GRIN2A: variants seen among roughly 807,000 people sequenced by gnomAD.
GRIN2A encodes glutamate receptor ionotropic, NMDA 2A.
Under a neutral mutation model 113.4 loss-of-function variants are expected in GRIN2A, and 22 were observed. The ratio of observed to expected loss-of-function variants is 0.19; its 90% CI spans 0.14 to 0.28. The LOEUF (loss-of-function observed/expected upper bound fraction) is 0.28, where lower values mean the gene tolerates loss of function less well. Among genes scored for constraint, GRIN2A ranks in the 10% least tolerant of loss-of-function variants. The probability of loss-of-function intolerance (pLI) is 1.00; values close to 1 mark genes in which losing one functional copy is unlikely to be tolerated. For missense variants in GRIN2A, 1,502 were observed against 1,887.0 expected (o/e 0.80, Z 3.78); for synonymous variants, 827 against 738.4 (o/e 1.12, Z -1.94).
chr16:9,855,161 G>T (rs1296346833), intron 4 of GRIN2A, among the ~76,000 whole-genome samples: 1 of 152,084 alleles, frequency 6.6e-6, no homozygotes, highest in East Asian at 1.9e-4. Context: ...TAATAGCACA[G>T]GCTTAGAGAT....
At chr16:9,894,611 A>G (rs1310390802) in intron 3 of GRIN2A, among the ~76,000 whole-genome samples, 1 of 152,188 alleles carries the variant, frequency 6.6e-6, no homozygotes. Context: ...TTAGTGGAGA[A>G]CTGGAGTCAA....
chr16:9,786,668 A>G (rs1401821009), intron 11 of GRIN2A, among the ~76,000 whole-genome samples: 3 of 152,190 alleles, frequency 2.0e-5, no homozygotes, highest in African/African-American at 7.2e-5. Context: ...TAAAGAAGTA[A>G]CATCATGTAA....
intron 2 of GRIN2A, among the ~76,000 whole-genome samples, chr16:10,056,711 G>A (rs7195982): frequency 2.0e-5 from 3 of 151,860 alleles, no homozygotes; most frequent in East Asian, 1.9e-4. Context: ...ACAGAGACTA[G>A]AATGATGTAC....
intron 4 of GRIN2A, among the ~76,000 whole-genome samples, chr16:9,874,061 T>A (rs1015473380): frequency 6.6e-6 from 1 of 152,218 alleles, no homozygotes; most frequent in East Asian, 1.9e-4. Flanking sequence ...CAACTTTAGA[T>A]TTTTTTCTCA....
chr16:10,013,282 T>G (rs1442127890), intron 2 of GRIN2A, among the ~76,000 whole-genome samples: 1 of 152,130 alleles, frequency 6.6e-6, no homozygotes, highest in Non-Finnish European at 1.5e-5. Context: ...AGGCTGCCCT[T>G]TTTCCTCTGT....
chr16:9,955,862 C>T (rs574136661), intron 2 of GRIN2A, among the ~76,000 whole-genome samples: 52 of 152,286 alleles, frequency 3.4e-4, no homozygotes, highest in African/African-American at 9.1e-4. Context: ...TCTCTCTCAC[C>T]GCCAGCTTCA....
rs1308741643 is a variant in GRIN2A at position 10,039,787 on chromosome 16, G to A, written c.415-101236C>T. On this transcript the variant is annotated intron_variant, in intron 2 of 12. Coordinates refer to ENST00000330684, the MANE Select transcript of GRIN2A (RefSeq NM_001134407.3). ...AAGGGAGGGAGAGGGAGGGGGAGGG[G>A]GAGGGGGAGGGGGAGGGGGGGGAGA... Among the ~76,000 whole-genome samples the A allele has an allele frequency of 8.4e-4, 84 of 99,700 alleles. 2 individuals are homozygous for A. Among genetic ancestry groups the A allele is most frequent in the Middle Eastern group, 6.4e-3 (1 of 156 alleles). 65.4% of individuals were successfully genotyped at this position (99,700 alleles called of 152,430 possible).
chr16:10,114,702 G>C (rs996643473), intron 2 of GRIN2A, among the ~76,000 whole-genome samples: 2 of 152,196 alleles, frequency 1.3e-5, no homozygotes, highest in East Asian at 3.8e-4. Context: ...AAGGCAAACA[G>C]AGCCCAAAGC....
At chr16:9,979,849 GT>G (rs2045857496) in intron 2 of GRIN2A, among the ~76,000 whole-genome samples, 1 of 106,844 alleles carries the variant, frequency 9.4e-6, no homozygotes, top group Non-Finnish European at 2.0e-5. Flanking sequence ...TATATTCTGT[GT>G]GTGTGTGTGT....
At chr16:10,099,264 C>T (rs1228807498) in intron 2 of GRIN2A, among the ~76,000 whole-genome samples, 3 of 152,126 alleles carry the variant, frequency 2.0e-5, no homozygotes, top group Admixed American at 1.3e-4. Context: ...GATACTTACT[C>T]AAAAGCTTGG....
At chr16:9,801,927 C>A (rs947853744) in intron 10 of GRIN2A, among the ~76,000 whole-genome samples, 5 of 152,158 alleles carry the variant, frequency 3.3e-5, no homozygotes, top group Non-Finnish European at 7.3e-5. Flanking sequence ...AGAGCTGGGG[C>A]CTACACACAA....
chr16:10,181,182 C>T (rs969884988), intron 1 of GRIN2A, among the ~76,000 whole-genome samples: 1 of 1,650 alleles, frequency 6.1e-4, no homozygotes, highest in Non-Finnish European at 4.1e-3. Context: ...CCTACACGCG[C>T]GCGTGCACAC....
chr16:9,850,426 A>G (rs1309747678), intron 4 of GRIN2A, among the ~76,000 whole-genome samples: 3 of 152,218 alleles, frequency 2.0e-5, no homozygotes, highest in East Asian at 3.8e-4. Flanking sequence ...CTTCCTAAGG[A>G]TGCCATGGGA....
intron 3 of GRIN2A, among the ~76,000 whole-genome samples, chr16:9,933,929 T>C (rs2044654112): frequency 6.6e-6 from 1 of 152,226 alleles, no homozygotes; most frequent in Admixed American, 6.5e-5. Context: ...GAAGTATGCA[T>C]TGGGAATACG....
intron 2 of GRIN2A, among the ~76,000 whole-genome samples, chr16:10,077,072 G>T (rs2047886848): frequency 6.6e-6 from 1 of 152,194 alleles, no homozygotes; most frequent in African/African-American, 2.4e-5. Flanking sequence ...ACAGAGGAAT[G>T]CAATGTTGCT....
In GRIN2A at chr16:9,764,366, C is replaced by T. The variant is rs879255358; in HGVS notation, c.3178G>A (p.Asp1060Asn). The T allele has an allele frequency of 1.7e-5, 28 of 1,614,142 alleles. No individual in the cohort carries two copies. Among genetic ancestry groups the T allele is most frequent in the Non-Finnish European group, 2.2e-5 (26 of 1,180,012 alleles). Residue 1060 changes from aspartate to asparagine, a missense_variant, in exon 13 of 13, where the codon GAC becomes AAC. Transcript: ENST00000330684. ...GCCCGATTTGACGTTTCTGAAATGT[C>T]AGAGTGGGCCATCTCTTCTGGAAGA... Reference protein sequence around the residue: ...RYLPEEMAHSDISETSNRATC... With the variant: ...RYLPEEMAHSNISETSNRATC...
chr16:10,181,322 A>T (rs2050268086), intron 1 of GRIN2A, among the ~76,000 whole-genome samples: 1 of 152,208 alleles, frequency 6.6e-6, no homozygotes, highest in South Asian at 2.1e-4. Flanking sequence ...GAGCTGGCAA[A>T]GAACGTGCGT....
rs1414775461 is a variant in GRIN2A at position 10,117,416 on chromosome 16, T to G, written c.414+62582A>C. On this transcript the variant is annotated intron_variant, in intron 2 of 12. Transcript: ENST00000330684. Reference sequence around the variant, plus strand: ...AAAATGAATTAAGATTGTCCATGAGTTGATAAATGCTGAAGCTGGATGGTG... The same window carrying G: ...AAAATGAATTAAGATTGTCCATGAGGTGATAAATGCTGAAGCTGGATGGTG... Among the ~76,000 whole-genome samples the G allele has an allele frequency of 7.2e-5, 11 of 152,200 alleles. No homozygotes were observed. In the South Asian group the frequency reaches 2.3e-3, roughly 32 times the overall value.
intron 10 of GRIN2A, among the ~76,000 whole-genome samples, chr16:9,803,548 A>G (rs1424872840): frequency 6.6e-6 from 1 of 152,272 alleles, no homozygotes; most frequent in African/African-American, 2.4e-5. Flanking sequence ...AAACACATAA[A>G]TGCATTCAAT....
Sources: gnomAD v4.1 joint callset for allele counts (sites outside exome capture counted in the v4.1 genomes callset) on GRCh38, gnomAD v4.1.1 for gene constraint, MANE v1.5 for transcripts, NCBI Gene and HGNC (gene_info 2026-07-23, HGNC 2026-07-21) for gene names.